The following CCSER1 variants were observed in gnomAD, a reference collection of about 807,000 sequenced individuals.
CCSER1 encodes serine-rich coiled-coil domain-containing protein 1.
A neutral mutation model predicts 82.0 loss-of-function variants in CCSER1; 41 were observed. The ratio of observed to expected loss-of-function variants is 0.50; its 90% CI spans 0.39 to 0.65. The LOEUF is 0.65. Among genes scored for constraint, CCSER1 ranks in the 30% least tolerant of loss-of-function variants. The pLI, the probability that CCSER1 is intolerant of heterozygous loss-of-function variation, is 0.00. For missense variants in CCSER1, 1,119 were observed against 1,064.2 expected, an observed-to-expected ratio of 1.05 and a Z score of -0.72; for synonymous variants, 414 against 383.9, an observed-to-expected ratio of 1.08 and a Z score of -0.92.
chr4:90,216,444 T>A (rs1479062233), intron 1 of CCSER1, among the ~76,000 whole-genome samples: 1 of 152,196 alleles, frequency 6.6e-6, no homozygotes, highest in Non-Finnish European at 1.5e-5. Context: ...TGGATGGGAA[T>A]GTTTTTAAGA....
chr4:90,194,953 A>AT (rs1305635807), intron 1 of CCSER1, among the ~76,000 whole-genome samples: 3 of 152,066 alleles, frequency 2.0e-5, no homozygotes, highest in Non-Finnish European at 2.9e-5. Context: ...AAATGTTCTC[A>AT]TGTAAGATAT....
intron 8 of CCSER1, among the ~76,000 whole-genome samples, chr4:90,844,271 A>C (rs1762932739): frequency 6.6e-6 from 1 of 152,108 alleles, no homozygotes. Context: ...GGGTATTACT[A>C]AACTTCAGAG....
In CCSER1 at chr4:91,385,720, G is replaced by A. The variant is rs141578823; in HGVS notation, c.2218-212852G>A. ...TGTTGCCACGGGGTAAGGGAAAAGT[G>A]GACAAAAAACTTCTAGGAGTAGTTT... On this transcript the variant is annotated intron_variant, in intron 10 of 10. Coordinates refer to ENST00000509176, the MANE Select transcript of CCSER1 (RefSeq NM_001145065.2). Among the ~76,000 whole-genome samples the A allele has an allele frequency of 6.3e-4, 95 of 151,804 alleles. 1 individual carries two copies. Among genetic ancestry groups the A allele is most frequent in the African/African-American group, 2.1e-3 (88 of 41,440 alleles).
intron 6 of CCSER1, among the ~76,000 whole-genome samples, chr4:90,636,569 A>C (rs1236803083): frequency 6.6e-6 from 1 of 152,100 alleles, no homozygotes; most frequent in Admixed American, 6.6e-5. Context: ...AAGCAATACA[A>C]TTTACTATAT....
rs569350893 is a variant in CCSER1, at chr4:90,948,365, C to T, written c.2172+24918C>T. 5.3e-5 allele frequency among the ~76,000 whole-genome samples: 8 copies of T among 151,750 alleles called. No individual in the cohort carries two copies. In the South Asian group the frequency reaches 1.2e-3, roughly 24 times the overall value. ...CAGGCAATCTTTTCCAATTCATTTT[C>T]AGGATTTAAAAAATAATTATTGAAG... On this transcript the variant is annotated intron_variant, in intron 9 of 10. Coordinates refer to ENST00000509176, the MANE Select transcript of CCSER1 (RefSeq NM_001145065.2).
In CCSER1 at chr4:91,402,083, G is replaced by A. The variant is rs1317855317; in HGVS notation, c.2218-196489G>A. ...CCTGTTTCCTGACTTTTTAATGACC[G>A]CCATTCTAACTGGTGTGAGATGGTA... On this transcript the variant is annotated intron_variant, in intron 10 of 10. Transcript: ENST00000509176. 2.8e-4 allele frequency among the ~76,000 whole-genome samples: 42 copies of A among 152,154 alleles called. No individual in the cohort carries two copies. In the East Asian group the frequency reaches 5.0e-3, roughly 18 times the overall value.
intron 5 of CCSER1, among the ~76,000 whole-genome samples, chr4:90,479,127 T>A (rs1765526331): frequency 1.3e-5 from 2 of 152,152 alleles, no homozygotes; most frequent in Admixed American, 6.5e-5. Flanking sequence ...CAGTTCTTTT[T>A]GTAGTCTTTT....
At chr4:91,158,502 C>CTA (rs970608503) in intron 10 of CCSER1, among the ~76,000 whole-genome samples, 30 of 152,056 alleles carry the variant, frequency 2.0e-4, no homozygotes, top group African/African-American at 7.0e-4. Flanking sequence ...AAATCATATA[C>CTA]TATATCCTCT....
At chr4:91,088,040 C>A (rs566658320) in intron 10 of CCSER1, among the ~76,000 whole-genome samples, 1 of 151,922 alleles carries the variant, frequency 6.6e-6, no homozygotes, top group Non-Finnish European at 1.5e-5. Flanking sequence ...AGAAATGGGA[C>A]GTGTATGTAT....
intron 5 of CCSER1, among the ~76,000 whole-genome samples, chr4:90,591,206 C>G (rs147586087): frequency 2.0e-5 from 3 of 152,198 alleles, no homozygotes; most frequent in Non-Finnish European, 4.4e-5. Context: ...ATGGGGTTTT[C>G]TAAATATCCA....
intron 7 of CCSER1, among the ~76,000 whole-genome samples, chr4:90,768,022 G>A (rs1751509410): frequency 6.6e-6 from 1 of 152,140 alleles, no homozygotes; most frequent in Admixed American, 6.5e-5. Context: ...CCTTCTCAGT[G>A]TTCATGATCT....
intron 3 of CCSER1, among the ~76,000 whole-genome samples, chr4:90,386,271 G>A (rs1274208133): frequency 6.6e-6 from 1 of 152,128 alleles, no homozygotes; most frequent in Non-Finnish European, 1.5e-5. Context: ...GGCTATAGTA[G>A]CCCAAAGAGT....
chr4:90,352,546 C>T (rs1743660811), intron 3 of CCSER1, among the ~76,000 whole-genome samples: 1 of 151,736 alleles, frequency 6.6e-6, no homozygotes, highest in South Asian at 2.1e-4. Flanking sequence ...CCTGTAATCC[C>T]AGCTACTTGG....
intron 5 of CCSER1, among the ~76,000 whole-genome samples, chr4:90,482,312 C>A: frequency 6.6e-6 from 1 of 152,066 alleles, no homozygotes; most frequent in Non-Finnish European, 1.5e-5. Flanking sequence ...TTGATCTTTT[C>A]AAAAAACCAG....
intron 10 of CCSER1, among the ~76,000 whole-genome samples, chr4:91,263,797 T>A (rs2149169752): frequency 6.6e-6 from 1 of 152,038 alleles, no homozygotes; most frequent in East Asian, 1.9e-4. Context: ...TTTAAATAAA[T>A]GGATGCTGGA....
chr4:91,502,966 T>C (rs1759287896), intron 10 of CCSER1, among the ~76,000 whole-genome samples: 1 of 152,198 alleles, frequency 6.6e-6, no homozygotes, highest in South Asian at 2.1e-4. Context: ...TGAAATAAAT[T>C]ATAATATTTT....
At chr4:91,577,266 A>G (rs1366830415) in intron 10 of CCSER1, among the ~76,000 whole-genome samples, 1 of 151,954 alleles carries the variant, frequency 6.6e-6, no homozygotes, top group East Asian at 1.9e-4. Context: ...ATGCTAAGCC[A>G]CAAGTTAGAC....
intron 1 of CCSER1, among the ~76,000 whole-genome samples, chr4:90,143,488 A>G (rs557754624): frequency 1.5e-5 from 2 of 131,706 alleles, no homozygotes; most frequent in South Asian, 5.5e-4. Flanking sequence ...GCAAGTACAC[A>G]CATACACACA....
intron 10 of CCSER1, among the ~76,000 whole-genome samples, chr4:91,181,956 G>T (rs114981899): frequency 6.6e-6 from 1 of 152,158 alleles, no homozygotes; most frequent in Non-Finnish European, 1.5e-5. Flanking sequence ...TGTTCTCTGT[G>T]TCAGTCCTTA....
Sources: gnomAD v4.1 joint callset for allele counts (sites outside exome capture counted in the v4.1 genomes callset) on GRCh38, gnomAD v4.1.1 for gene constraint, MANE v1.5 for transcripts, NCBI Gene and HGNC (gene_info 2026-07-23, HGNC 2026-07-21) for gene names.